The following TRIO variants were observed in gnomAD, a reference collection of about 807,000 sequenced individuals.
TRIO encodes triple functional domain protein.
A neutral mutation model predicts 351.9 loss-of-function variants in TRIO; 58 were observed. The ratio of observed to expected loss-of-function variants is 0.16; its 90% CI spans 0.13 to 0.21. The LOEUF (loss-of-function observed/expected upper bound fraction) is 0.21. Ranked by LOEUF, TRIO falls within the 10% of genes least tolerant of loss-of-function variation. The pLI, the probability that TRIO is intolerant of heterozygous loss-of-function variation, is 1.00. For synonymous variants in TRIO, 1,758 were observed against 1,595.7 expected (o/e 1.10, Z -2.42); for missense variants, 3,201 against 4,027.8 (o/e 0.79, Z 5.56).
At chr5:14,200,303 A>G (rs906706686) in intron 1 of TRIO, among the ~76,000 whole-genome samples, 5 of 152,176 alleles carry the variant, frequency 3.3e-5, no homozygotes, top group African/African-American at 1.2e-4. Flanking sequence ...CACCTGCTCA[A>G]GAGAGAAGGC....
chr5:14,478,826 G>C (rs1755299055), intron 41 of TRIO, among the ~76,000 whole-genome samples: 1 of 151,830 alleles, frequency 6.6e-6, no homozygotes, highest in South Asian at 2.1e-4. Context: ...GCCGGGCATG[G>C]TGATGCACAT....
intron 11 of TRIO, among the ~76,000 whole-genome samples, chr5:14,348,720 G>A (rs569493275): frequency 9.9e-5 from 15 of 152,114 alleles, no homozygotes; most frequent in African/African-American, 2.7e-4. Flanking sequence ...GTGTGTGTAC[G>A]CACATGAGCA....
intron 34 of TRIO, among the ~76,000 whole-genome samples, chr5:14,437,273 A>G (rs1287529853): frequency 2.6e-5 from 4 of 152,306 alleles, no homozygotes; most frequent in South Asian, 2.1e-4. Flanking sequence ...ACCCATACTC[A>G]TGGAAGAAAC....
At chr5:14,370,260 G>A (rs1479579347) in intron 18 of TRIO, among the ~76,000 whole-genome samples, 1 of 151,944 alleles carries the variant, frequency 6.6e-6, no homozygotes, top group African/African-American at 2.4e-5. Context: ...CTAGTAGCTG[G>A]GACTACAGTG....
chr5:14,179,294 G>A (rs1011550467), intron 1 of TRIO, among the ~76,000 whole-genome samples: 9 of 151,976 alleles, frequency 5.9e-5, no homozygotes, highest in African/African-American at 9.7e-5. Flanking sequence ...TCAAACATAC[G>A]GTGAAGTTAG....
At chr5:14,264,285 TA>T (rs574246989) in intron 1 of TRIO, among the ~76,000 whole-genome samples, 78 of 152,250 alleles carry the variant, frequency 5.1e-4, no homozygotes, top group African/African-American at 1.8e-3. Context: ...CTTGAATTAA[TA>T]AAAAATAAAC....
At chr5:14,220,305 AGT>A (rs1410323089) in intron 1 of TRIO, among the ~76,000 whole-genome samples, 1 of 152,102 alleles carries the variant, frequency 6.6e-6, no homozygotes, top group Non-Finnish European at 1.5e-5. Flanking sequence ...TTAATCAGTA[AGT>A]GTGTGTGTTC....
At chr5:14,393,029 A>G (rs1747238106) in intron 27 of TRIO, among the ~76,000 whole-genome samples, 2 of 151,474 alleles carry the variant, frequency 1.3e-5, no homozygotes, top group African/African-American at 2.4e-5. Context: ...TCTGGGCGAC[A>G]GAGCGAGACT....
chr5:14,220,705 G>C (rs1792563537), intron 1 of TRIO, among the ~76,000 whole-genome samples: 1 of 152,206 alleles, frequency 6.6e-6, no homozygotes, highest in South Asian at 2.1e-4. Flanking sequence ...ATTCCCTTTA[G>C]ACAAAGCCTA....
intron 37 of TRIO, among the ~76,000 whole-genome samples, chr5:14,467,996 G>A (rs1325602959): frequency 6.6e-6 from 1 of 152,154 alleles, no homozygotes; most frequent in African/African-American, 2.4e-5. Context: ...TCAGTTAAAT[G>A]ACCATTAAAA....
intron 1 of TRIO, among the ~76,000 whole-genome samples, chr5:14,181,350 G>T (rs1192010891): frequency 6.6e-6 from 1 of 152,172 alleles, no homozygotes; most frequent in African/African-American, 2.4e-5. Flanking sequence ...AACTAAAATT[G>T]TTGTGGGCTG....
intron 46 of TRIO, among the ~76,000 whole-genome samples, chr5:14,484,235 A>G (rs912181852): frequency 6.6e-6 from 1 of 152,344 alleles, no homozygotes; most frequent in African/African-American, 2.4e-5. Flanking sequence ...ATTATTTGAC[A>G]TATTTTAATC....
intron 34 of TRIO, among the ~76,000 whole-genome samples, chr5:14,448,814 A>G (rs957676476): frequency 2.6e-5 from 4 of 152,098 alleles, no homozygotes; most frequent in South Asian, 2.1e-4. Flanking sequence ...TCTTGTGTAA[A>G]AGTCAGGAAT....
In TRIO at chr5:14,390,311, C is replaced by T. The variant is rs533184104; in HGVS notation, c.4128+11C>T. On this transcript the variant is annotated intron_variant, in intron 26 of 56. Transcript: ENST00000344204. ...TGTTTTGTTACTTGGGTAATGAAAC[C>T]TCAACCATTTGTTCTCTCCCAGCTA... 9.2e-5 allele frequency: 149 copies of T among 1,613,268 alleles called. 1 individual carries two copies. The South Asian group carries it at 1.5e-3, about 17-fold the overall frequency.
intron 34 of TRIO, among the ~76,000 whole-genome samples, chr5:14,423,617 C>T (rs1423697043): frequency 6.6e-6 from 1 of 152,194 alleles, no homozygotes; most frequent in East Asian, 1.9e-4. Flanking sequence ...GGGGATTTAG[C>T]TCCAGTGTGA....
intron 40 of TRIO, among the ~76,000 whole-genome samples, chr5:14,474,991 G>A (rs1754953018): frequency 6.6e-6 from 1 of 152,060 alleles, no homozygotes; most frequent in Non-Finnish European, 1.5e-5. Flanking sequence ...AATTTTAATG[G>A]AAAAAGTAGA....
In TRIO at chr5:14,170,805, C is replaced by T. The variant is rs1168550530; in HGVS notation, c.157+26923C>T. Among the ~76,000 whole-genome samples, 8 of 152,042 alleles carry T rather than the reference C, an allele frequency of 5.3e-5. No individual in the cohort carries two copies. In the East Asian group the frequency reaches 1.4e-3, roughly 26 times the overall value. ...CAGGAGTGAACCTCTGTGCCTGGCT[C>T]GAGATGTAATATATTCTCTTGAAAG... On this transcript the variant is annotated intron_variant, in intron 1 of 56. Coordinates refer to ENST00000344204, the MANE Select transcript of TRIO (RefSeq NM_007118.4).
chr5:14,455,386 G>T (rs539085017), intron 34 of TRIO, among the ~76,000 whole-genome samples: 28 of 142,724 alleles, frequency 2.0e-4, no homozygotes, highest in Non-Finnish European at 4.3e-4. Context: ...CTAGCTAGAC[G>T]TAAAAGTTCT....
intron 1 of TRIO, among the ~76,000 whole-genome samples, chr5:14,247,433 T>C (rs1198840910): frequency 6.6e-6 from 1 of 152,260 alleles, no homozygotes; most frequent in East Asian, 1.9e-4. Context: ...TACTAATTCG[T>C]ATATCCTATT....
Sources: allele counts gnomAD v4.1 joint callset (sites outside exome capture counted in the v4.1 genomes callset), GRCh38; gene constraint gnomAD v4.1.1; transcripts MANE v1.5; gene names NCBI Gene and HGNC (gene_info 2026-07-23, HGNC 2026-07-21).